NRXN1: variants seen among roughly 807,000 people sequenced by gnomAD.
NRXN1 encodes the protein neurexin 1.
A neutral mutation model predicts 150.9 loss-of-function variants in NRXN1; 39 were observed. The ratio of observed to expected loss-of-function variants is 0.26; its 90% CI spans 0.20 to 0.34. NRXN1 has a LOEUF of 0.34. Ranked by LOEUF, NRXN1 falls within the 10% of genes least tolerant of loss-of-function variation. NRXN1 has a pLI of 1.00. For missense variants in NRXN1, 1,815 were observed against 1,949.9 expected (o/e 0.93, Z 1.30); for synonymous variants, 924 against 757.0 (o/e 1.22, Z -3.62).
intron 5 of NRXN1, chr2:50,919,023 A>G (rs1212357925): frequency 1.3e-5 from 2 of 151,874 alleles, no homozygotes; most frequent in African/African-American, 4.8e-5. Context: ...GGAATGTAAA[A>G]AACACAAGTA....
intron 8 of NRXN1, among the ~76,000 whole-genome samples, chr2:50,586,647 C>A (rs184422512): frequency 6.6e-6 from 1 of 151,996 alleles, no homozygotes; most frequent in Non-Finnish European, 1.5e-5. Flanking sequence ...CACAAGCATA[C>A]CCTTATTAAG....
At chr2:50,617,307 T>C (rs1679219712) in intron 8 of NRXN1, among the ~76,000 whole-genome samples, 1 of 152,000 alleles carries the variant, frequency 6.6e-6, no homozygotes, top group Non-Finnish European at 1.5e-5. Context: ...TGGTGGTGCA[T>C]GCCTGTAGTC....
chr2:50,750,358 A>AT, intron 5 of NRXN1, among the ~76,000 whole-genome samples: 1 of 151,722 alleles, frequency 6.6e-6, no homozygotes, highest in East Asian at 1.9e-4. Flanking sequence ...AAATTAAAAA[A>AT]TGTCACAGAA....
In NRXN1 at chr2:50,563,736, T is replaced by A. The variant is rs150702692; in HGVS notation, c.1321-10711A>T. 2.6e-5 allele frequency among the ~76,000 whole-genome samples: 4 copies of A among 152,316 alleles called. No individual in the cohort carries two copies. The East Asian group carries it at 7.7e-4, about 29-fold the overall frequency. Reference sequence around the variant, plus strand: ...TTGGTTTTCTTTGTATGGACAGTTTTTATGATGGTTAATTTTCCTAAAGCA... The same window carrying A: ...TTGGTTTTCTTTGTATGGACAGTTTATATGATGGTTAATTTTCCTAAAGCA... On this transcript the variant is annotated intron_variant, in intron 8 of 22. Coordinates refer to ENST00000401669, the MANE Select transcript of NRXN1 (RefSeq NM_001330078.2).
At chr2:49,926,918 T>C (rs886698053) in intron 22 of NRXN1, among the ~76,000 whole-genome samples, 1 of 152,186 alleles carries the variant, frequency 6.6e-6, no homozygotes, top group Admixed American at 6.5e-5. Context: ...TACCAGCTTC[T>C]TGCACCCTCT....
chr2:50,167,938 G>C (rs979136640), intron 18 of NRXN1, among the ~76,000 whole-genome samples: 1 of 152,090 alleles, frequency 6.6e-6, no homozygotes, highest in African/African-American at 2.4e-5. Context: ...CTGGATTTTA[G>C]AGATCTCTGA....
intron 22 of NRXN1, among the ~76,000 whole-genome samples, chr2:49,924,199 T>G (rs537047528): frequency 6.6e-6 from 1 of 152,358 alleles, no homozygotes; most frequent in South Asian, 2.1e-4. Flanking sequence ...AAAGGGAATT[T>G]TGTTTAAATG....
chr2:50,933,098 G>C (rs1400492959), intron 2 of NRXN1, among the ~76,000 whole-genome samples: 1 of 151,892 alleles, frequency 6.6e-6, no homozygotes, highest in African/African-American at 2.4e-5. Context: ...TACTTTAAGA[G>C]CAAAATTAGG....
At chr2:49,935,699 G>T (rs1475041063) in intron 22 of NRXN1, among the ~76,000 whole-genome samples, 3 of 152,168 alleles carry the variant, frequency 2.0e-5, no homozygotes, top group Admixed American at 1.3e-4. Flanking sequence ...GAATATGCTT[G>T]CTGGCTTACC....
intron 5 of NRXN1, among the ~76,000 whole-genome samples, chr2:50,675,267 C>T (rs552354299): frequency 1.3e-5 from 2 of 152,218 alleles, no homozygotes; most frequent in South Asian, 4.2e-4. Context: ...CCCAGAAATT[C>T]TACAGACTAT....
intron 9 of NRXN1, 81 bp from the exon 10 acceptor site, chr2:50,538,717 G>T: frequency 8.6e-7 from 1 of 1,167,010 alleles, no homozygotes; most frequent in Non-Finnish European, 1.1e-6. Context: ...TCGTCTGCTT[G>T]ATGGTTAACT....
intron 17 of NRXN1, among the ~76,000 whole-genome samples, chr2:50,350,124 A>G (rs2078305231): frequency 6.6e-6 from 1 of 152,158 alleles, no homozygotes; most frequent in Admixed American, 6.5e-5. Flanking sequence ...CTCTGATCAC[A>G]TTTTCATCAC....
intron 15 of NRXN1, among the ~76,000 whole-genome samples, chr2:50,485,745 A>G (rs538317765): frequency 2.0e-5 from 3 of 152,316 alleles, no homozygotes; most frequent in African/African-American, 7.2e-5. Flanking sequence ...CTACACAGGG[A>G]TTAAGGTTGG....
At chr2:50,972,443 C>A (rs1575094225) in intron 2 of NRXN1, among the ~76,000 whole-genome samples, 3 of 152,092 alleles carry the variant, frequency 2.0e-5, no homozygotes, top group East Asian at 1.9e-4. Flanking sequence ...CGATCCCAAA[C>A]CTTTTTGGCA....
At chr2:50,337,822 AT>A (rs1291142476) in intron 17 of NRXN1, among the ~76,000 whole-genome samples, 2 of 152,216 alleles carry the variant, frequency 1.3e-5, no homozygotes, top group Admixed American at 6.5e-5. Flanking sequence ...AAAAACACAA[AT>A]TTTTCATTTA....
chr2:50,314,122 G>T (rs1423732013), intron 17 of NRXN1, among the ~76,000 whole-genome samples: 1 of 152,088 alleles, frequency 6.6e-6, no homozygotes, highest in Non-Finnish European at 1.5e-5. Context: ...CTGGTTGTAA[G>T]GCAGTCTTAA....
chr2:50,866,766 G>A (rs1676998733), intron 5 of NRXN1, among the ~76,000 whole-genome samples: 1 of 151,782 alleles, frequency 6.6e-6, no homozygotes, highest in Admixed American at 6.6e-5. Flanking sequence ...CAGAGAATGA[G>A]GCCAATTCAT....
chr2:50,023,827 G>T (rs916493249), intron 21 of NRXN1: 5 of 152,088 alleles, frequency 3.3e-5, no homozygotes, highest in Non-Finnish European at 7.4e-5. Context: ...TTTCATAAAA[G>T]TAAAGCTGTG....
chr2:50,503,785 A>C (rs1254911184), intron 13 of NRXN1, among the ~76,000 whole-genome samples: 3 of 152,130 alleles, frequency 2.0e-5, no homozygotes, highest in Non-Finnish European at 4.4e-5. Context: ...CATGGTCTTA[A>C]TGTCTCCCCA....
Sources: allele counts gnomAD v4.1 joint callset (sites outside exome capture counted in the v4.1 genomes callset), GRCh38; gene constraint gnomAD v4.1.1; transcripts MANE v1.5; gene names NCBI Gene and HGNC (gene_info 2026-07-23, HGNC 2026-07-21).